The following MARCHF1 variants were observed in gnomAD, a reference collection of about 807,000 sequenced individuals.
The protein encoded by MARCHF1 is E3 ubiquitin-protein ligase MARCHF1.
A neutral mutation model predicts 54.2 loss-of-function variants in MARCHF1; 40 were observed. That is an observed-to-expected ratio of 0.74 (90% CI 0.57 to 0.96). The LOEUF (loss-of-function observed/expected upper bound fraction) is 0.96, where lower values mean the gene tolerates loss of function less well. Among genes scored for constraint, MARCHF1 ranks in the 40% least tolerant of loss-of-function variants. The probability of loss-of-function intolerance (pLI) is 0.00; values close to 1 mark genes in which losing one functional copy is unlikely to be tolerated. For synonymous variants in MARCHF1, 236 were observed against 236.3 expected (o/e 1.00, Z 0.01); for missense variants, 586 against 656.5 (o/e 0.89, Z 1.17).
At chr4:163,739,724 T>C (rs951246808) in intron 4 of MARCHF1, among the ~76,000 whole-genome samples, 1 of 152,218 alleles carries the variant, frequency 6.6e-6, no homozygotes, top group Non-Finnish European at 1.5e-5. Context: ...ATTTAATCAC[T>C]CAAACTTCTT....
At chr4:164,139,084 G>A (rs1230482311) in intron 1 of MARCHF1, among the ~76,000 whole-genome samples, 1 of 152,168 alleles carries the variant, frequency 6.6e-6, no homozygotes, top group African/African-American at 2.4e-5. Context: ...TAAGAGTTCT[G>A]TGAAAGTATA....
Position 164,176,659 on chromosome 4 carries a change from AG to A in MARCHF1, c.-322-64998del, listed in dbSNP as rs531546466. The stretch of plus-strand genomic sequence containing the variant: ...GAATCTAAGATGCAGCTTTTCTGAG[AG>A]GGATAGAGATAGTCCATTTTTGTGT... On this transcript the variant is annotated intron_variant, in intron 1 of 9. Transcript: ENST00000514618. 5.3e-3 allele frequency among the ~76,000 whole-genome samples: 813 copies of A among 152,172 alleles called. 10 individuals carry two copies. The highest frequency in any genetic ancestry group is 0.019 in the African/African-American group (790 of 41,536).
intron 3 of MARCHF1, among the ~76,000 whole-genome samples, chr4:163,954,824 C>T (rs1225975992): frequency 6.6e-6 from 1 of 152,126 alleles, no homozygotes; most frequent in Non-Finnish European, 1.5e-5. Context: ...ACCAAGTAGC[C>T]ATGCTTTAAG....
At chr4:163,983,457 T>C (rs1368785600) in intron 3 of MARCHF1, among the ~76,000 whole-genome samples, 4 of 152,198 alleles carry the variant, frequency 2.6e-5, no homozygotes, top group Admixed American at 6.5e-5. Context: ...TCATATTTTA[T>C]AATAGCACCC....
At chr4:164,317,682 T>C (rs1418825252) in intron 1 of MARCHF1, among the ~76,000 whole-genome samples, 33 of 152,116 alleles carry the variant, frequency 2.2e-4, no homozygotes, top group East Asian at 1.9e-4. Context: ...GGAGTGAGTA[T>C]TGGGAGACAA....
At chr4:163,745,489 T>A (rs1170813403) in intron 4 of MARCHF1, among the ~76,000 whole-genome samples, 3 of 152,056 alleles carry the variant, frequency 2.0e-5, no homozygotes, top group Admixed American at 2.0e-4. Context: ...AGGGAAGAGC[T>A]CTGAATGAGG....
At chr4:164,140,635 C>A (rs762505829) in intron 1 of MARCHF1, among the ~76,000 whole-genome samples, 1 of 152,140 alleles carries the variant, frequency 6.6e-6, no homozygotes, top group Non-Finnish European at 1.5e-5. Context: ...GCCAGCTCCT[C>A]GGCTACAGCA....
chr4:163,819,766 G>A (rs1056605016), intron 4 of MARCHF1, among the ~76,000 whole-genome samples: 1 of 152,054 alleles, frequency 6.6e-6, no homozygotes, highest in African/African-American at 2.4e-5. Flanking sequence ...ACTTGCATAT[G>A]CACCTACACT....
chr4:164,383,314 G>A (rs1176177935), intron 1 of MARCHF1: 1 of 152,338 alleles, frequency 6.6e-6, no homozygotes, highest in Non-Finnish European at 1.5e-5. Flanking sequence ...AACAGTTGCA[G>A]TGAACCCGAC....
intron 1 of MARCHF1, among the ~76,000 whole-genome samples, chr4:164,115,404 T>A (rs1245042396): frequency 6.6e-6 from 1 of 152,074 alleles, no homozygotes; most frequent in Non-Finnish European, 1.5e-5. Context: ...ATAATATACA[T>A]AATTTTGATT....
intron 4 of MARCHF1, among the ~76,000 whole-genome samples, chr4:163,703,596 C>T (rs1744868032): frequency 6.6e-6 from 1 of 152,000 alleles, no homozygotes; most frequent in South Asian, 2.1e-4. Context: ...TACTGGCACC[C>T]AAATTATAGT....
At chr4:163,550,765 A>T (rs1739084950) in intron 8 of MARCHF1, among the ~76,000 whole-genome samples, 1 of 152,204 alleles carries the variant, frequency 6.6e-6, no homozygotes, top group African/African-American at 2.4e-5. Context: ...AAATCCTTGG[A>T]CTTGCTATGC....
chr4:164,276,934 C>CTCTA (rs1733898380), intron 1 of MARCHF1, among the ~76,000 whole-genome samples: 5 of 115,422 alleles, frequency 4.3e-5, no homozygotes, highest in Non-Finnish European at 8.8e-5. Flanking sequence ...GTCTCATATT[C>CTCTA]TATATATATA....
chr4:163,630,373 A>G (rs1312005237), intron 5 of MARCHF1, among the ~76,000 whole-genome samples: 2 of 152,200 alleles, frequency 1.3e-5, no homozygotes, highest in East Asian at 3.8e-4. Flanking sequence ...TGAAATTCAA[A>G]CAATCCAGAG....
chr4:164,369,951 T>A (rs1296472079), intron 1 of MARCHF1, among the ~76,000 whole-genome samples: 1 of 152,210 alleles, frequency 6.6e-6, no homozygotes, highest in Non-Finnish European at 1.5e-5. Context: ...TGTATCTTTT[T>A]AAATATATTA....
intron 1 of MARCHF1, among the ~76,000 whole-genome samples, chr4:164,312,600 G>GC (rs1479249640): frequency 4.0e-5 from 6 of 151,708 alleles, no homozygotes; most frequent in African/African-American, 1.5e-4. Context: ...GGGATTACAG[G>GC]GTGAGCCACC....
chr4:163,955,176 T>G (rs1752206003), intron 3 of MARCHF1, among the ~76,000 whole-genome samples: 1 of 150,296 alleles, frequency 6.7e-6, no homozygotes, highest in Non-Finnish European at 1.5e-5. Flanking sequence ...AAAGACACCT[T>G]TAGTTCTAAT....
intron 5 of MARCHF1, among the ~76,000 whole-genome samples, chr4:163,686,658 T>C (rs1023487054): frequency 1.3e-5 from 2 of 151,934 alleles, no homozygotes; most frequent in Non-Finnish European, 2.9e-5. Context: ...ACTTCACAAA[T>C]AGTATTCAAT....
chr4:164,107,160 TA>T lies in MARCHF1; in HGVS notation c.-248+4427del, dbSNP rs1249131639. Among the ~76,000 whole-genome samples, 5 of 152,124 alleles carry T rather than the reference TA, an allele frequency of 3.3e-5. No homozygotes were observed. The South Asian group carries it at 6.2e-4, about 19-fold the overall frequency. The stretch of plus-strand genomic sequence containing the variant: ...CTCTCTCCAACACGTTTTATTTTGA[TA>T]AAAAAATTATCTAATTTTGTACTTC... On this transcript the variant is annotated intron_variant, in intron 2 of 9. Coordinates refer to ENST00000514618, the MANE Select transcript of MARCHF1 (RefSeq NM_001394959.1).
Sources: gnomAD v4.1 joint callset for allele counts (sites outside exome capture counted in the v4.1 genomes callset) on GRCh38, gnomAD v4.1.1 for gene constraint, MANE v1.5 for transcripts, NCBI Gene and HGNC (gene_info 2026-07-23, HGNC 2026-07-21) for gene names.